ANO4: variants seen among roughly 807,000 people sequenced by gnomAD.
ANO4 encodes the protein anoctamin 4.
A neutral mutation model predicts 141.9 loss-of-function variants in ANO4; 69 were observed. The ratio of observed to expected loss-of-function variants is 0.49; its 90% CI spans 0.40 to 0.59. The LOEUF (loss-of-function observed/expected upper bound fraction) is 0.59, where lower values mean the gene tolerates loss of function less well. Among genes scored for constraint, ANO4 ranks in the 20% least tolerant of loss-of-function variants. The pLI, the probability that ANO4 is intolerant of heterozygous loss-of-function variation, is 0.00. For missense variants in ANO4, 894 were observed against 1,162.2 expected, an observed-to-expected ratio of 0.77 and a Z score of 3.36; for synonymous variants, 350 against 394.3, an observed-to-expected ratio of 0.89 and a Z score of 1.33.
intron 3 of ANO4, among the ~76,000 whole-genome samples, chr12:100,758,852 T>C (rs2032731386): frequency 1.3e-5 from 2 of 152,178 alleles, no homozygotes; most frequent in Non-Finnish European, 2.9e-5. Context: ...TTCTTTGGTT[T>C]GTGACAACAT....
intron 2 of ANO4, among the ~76,000 whole-genome samples, chr12:100,907,744 C>T (rs974393649): frequency 2.6e-5 from 4 of 152,172 alleles, no homozygotes; most frequent in African/African-American, 4.8e-5. Flanking sequence ...CCAGGTGAAA[C>T]ATTTCCTAGT....
intron 3 of ANO4, among the ~76,000 whole-genome samples, chr12:100,783,302 C>A (rs1449064077): frequency 6.6e-6 from 1 of 152,176 alleles, no homozygotes; most frequent in Non-Finnish European, 1.5e-5. Context: ...TTCCTACCCA[C>A]CCCATTTTCA....
At chr12:100,890,673 T>G (rs2040059710) in intron 1 of ANO4, among the ~76,000 whole-genome samples, 1 of 152,154 alleles carries the variant, frequency 6.6e-6, no homozygotes, top group Non-Finnish European at 1.5e-5. Flanking sequence ...CAAAATTGAC[T>G]GCAAAATACA....
chr12:100,819,499 AATG>A lies in ANO4; in HGVS notation c.-141+24475_-141+24477del, dbSNP rs2035918741. ...AAGTAAGATTCATCAGTGGTATAAA[AATG>A]ATATTTTAGTGTGCTCAATTTTATG... On this transcript the variant is annotated intron_variant, in intron 1 of 27. Transcript: ENST00000392977. Among the ~76,000 whole-genome samples the A allele has an allele frequency of 3.9e-5, 6 of 151,966 alleles. No homozygotes were observed. In the South Asian group the frequency reaches 1.2e-3, roughly 32 times the overall value.
intron 3 of ANO4, among the ~76,000 whole-genome samples, chr12:100,931,718 A>T (rs1423404623): frequency 6.6e-6 from 1 of 152,188 alleles, no homozygotes; most frequent in East Asian, 1.9e-4. Flanking sequence ...AGAGAGAAGT[A>T]GACATTTTCA....
rs985027845 is a variant in ANO4 at position 100,729,788 on chromosome 12, A to G, written c.23-3986A>G. On this transcript the variant is annotated intron_variant, in intron 1 of 29. Transcript: ENST00000644049. ...TCAGGTCATCACTTTGCACTTGGCA[A>G]TTGCCACGGCTCTTTGTACTTTTGC... Among the ~76,000 whole-genome samples the G allele has an allele frequency of 4.6e-5, 7 of 152,224 alleles. No homozygotes were observed. The East Asian group carries it at 1.2e-3, about 25-fold the overall frequency.
intron 8 of ANO4, 110 bp from the exon 9 acceptor site, chr12:101,019,924 T>C: frequency 1.2e-6 from 1 of 812,080 alleles, no homozygotes; most frequent in South Asian, 1.5e-5. Flanking sequence ...ACACACCCTG[T>C]CTATGACTGA....
At chr12:100,970,663 C>CGCCTGCCTTCCTTCCTTCCT (rs372004015) in intron 5 of ANO4, among the ~76,000 whole-genome samples, 15 of 91,666 alleles carry the variant, frequency 1.6e-4, no homozygotes, top group Admixed American at 2.5e-4. Context: ...CTCCCTCCCT[C>CGCCTGCCTTCCTTCCTTCCT]TCCTTCCTTC....
intron 3 of ANO4, among the ~76,000 whole-genome samples, chr12:100,787,761 AACAGTCATCC>A (rs1191423937): frequency 1.3e-5 from 2 of 152,214 alleles, no homozygotes; most frequent in African/African-American, 2.4e-5. Context: ...ATGTGGCCAA[AACAGTCATCC>A]ATATAGGATT....
chr12:100,958,518 A>T (rs2043270649), intron 5 of ANO4, among the ~76,000 whole-genome samples: 1 of 152,236 alleles, frequency 6.6e-6, no homozygotes, highest in African/African-American at 2.4e-5. Flanking sequence ...AACAATAAAC[A>T]TAATAAATAA....
intron 3 of ANO4, among the ~76,000 whole-genome samples, chr12:100,927,700 C>T (rs931858974): frequency 9.9e-5 from 15 of 152,034 alleles, no homozygotes; most frequent in African/African-American, 3.6e-4. Flanking sequence ...TTTTCAATGT[C>T]CAGCCCTTTT....
chr12:101,005,390 T>C (rs1010954289), intron 8 of ANO4, among the ~76,000 whole-genome samples: 4 of 152,208 alleles, frequency 2.6e-5, no homozygotes, highest in African/African-American at 9.6e-5. Flanking sequence ...ATTGTTTTCA[T>C]TTTTGAGTGT....
Position 101,060,182 on chromosome 12 carries a change from G to C in ANO4, c.1312+11781G>C, listed in dbSNP as rs149269819. ...CAGGTTGTTCAGTTTCCATGTAGTT[G>C]TGCAGCTCTGAGTGAGTTTCTTAAT... On this transcript the variant is annotated intron_variant, in intron 14 of 27. Coordinates refer to ENST00000392977, the MANE Select transcript of ANO4 (RefSeq NM_001286615.2). Among the ~76,000 whole-genome samples the C allele has an allele frequency of 6.4e-3, 978 of 152,310 alleles. 9 individuals carry two copies. The highest frequency in any genetic ancestry group is 0.022 in the African/African-American group (930 of 41,560).
chr12:101,020,156 G>A lies in ANO4; in HGVS notation c.841+16G>A, dbSNP rs746512372. ...AACAAGATTGGTAAGTAGTATGTTA[G>A]TATAACAAACTACATTTGGCATTTG... On this transcript the variant is annotated intron_variant, in intron 9 of 27. Coordinates refer to ENST00000392977, the MANE Select transcript of ANO4 (RefSeq NM_001286615.2). 4.6e-6 allele frequency: 7 copies of A among 1,525,242 alleles called. No homozygotes were observed. The South Asian group carries it at 8.0e-5, about 17-fold the overall frequency. 94.5% of individuals were successfully genotyped at this position (1,525,242 alleles called of 1,614,324 possible). A position where few individuals can be genotyped will look rare whatever the true frequency, so the allele number is the denominator to read the frequency against.
chr12:100,833,661 C>A (rs2036749729), intron 1 of ANO4, among the ~76,000 whole-genome samples: 1 of 152,080 alleles, frequency 6.6e-6, no homozygotes, highest in Non-Finnish European at 1.5e-5. Flanking sequence ...ATCTAAGCTC[C>A]ACCTTTGTCT....
chr12:100,942,558 A>G, intron 5 of ANO4, 23 bp downstream of exon 5: 1 of 1,604,982 alleles, frequency 6.2e-7, no homozygotes, highest in South Asian at 1.1e-5. Context: ...CTTGGATGAG[A>G]AAAAAATATA....
intron 11 of ANO4, among the ~76,000 whole-genome samples, chr12:101,040,615 A>G (rs1017742244): frequency 6.6e-6 from 1 of 152,088 alleles, no homozygotes; most frequent in Non-Finnish European, 1.5e-5. Flanking sequence ...TTTTTTTATT[A>G]TTATTATACT....
At chr12:100,987,390 T>C (rs2044754034) in intron 7 of ANO4, 149 bp from the exon 8 acceptor site, 4 of 1,008,046 alleles carry the variant, frequency 4.0e-6, no homozygotes, top group Non-Finnish European at 5.8e-6. Context: ...CTGTCTTCTT[T>C]CCATCTATAA....
At chr12:100,984,052 C>T (rs1403851990) in intron 7 of ANO4, among the ~76,000 whole-genome samples, 1 of 152,032 alleles carries the variant, frequency 6.6e-6, no homozygotes, top group African/African-American at 2.4e-5. Context: ...CAGTGAAGGC[C>T]AGTTCACACC....
Sources: gnomAD v4.1 joint callset for allele counts (sites outside exome capture counted in the v4.1 genomes callset) on GRCh38, gnomAD v4.1.1 for gene constraint, MANE v1.5 for transcripts, NCBI Gene and HGNC (gene_info 2026-07-23, HGNC 2026-07-21) for gene names.